The following CASC3 variants were observed in gnomAD, a reference collection of about 807,000 sequenced individuals.
CASC3 encodes the protein CASC3 exon junction complex subunit, also known as protein CASC3.
CASC3 carries 30 observed loss-of-function variants against 80.5 expected under a neutral mutation model. The observed-to-expected ratio is 0.37, with a 90% CI of 0.28 to 0.51. The LOEUF (loss-of-function observed/expected upper bound fraction) is 0.51, where lower values mean the gene tolerates loss of function less well. CASC3 is among the 20% of genes least tolerant of loss of function. The pLI, the probability that CASC3 is intolerant of heterozygous loss-of-function variation, is 0.94. For missense variants in CASC3, 824 were observed against 922.2 expected, an observed-to-expected ratio of 0.89 and a Z score of 1.38; for synonymous variants, 312 against 333.6, an observed-to-expected ratio of 0.94 and a Z score of 0.70.
intron 7 of CASC3, among the ~76,000 whole-genome samples, chr17:40,165,511 C>A (rs1809429201): frequency 6.6e-6 from 1 of 152,092 alleles, no homozygotes; most frequent in South Asian, 2.1e-4. Context: ...ATTGAGCCTC[C>A]TGAGTACAGG....
rs1446185854 is a variant in CASC3, at chr17:40,142,867, C to T, written c.297+1260C>T. 7.2e-5 allele frequency among the ~76,000 whole-genome samples: 11 copies of T among 151,892 alleles called. No homozygotes were observed. The South Asian group carries it at 1.2e-3, about 17-fold the overall frequency. On this transcript the variant is annotated intron_variant, in intron 3 of 13. Transcript: ENST00000264645. ...AGTGAGCTGAGATTGTGCCACTGCA[C>T]TCCAGCCTGGGTGACAGAGCAAGAC...
At chr17:40,169,489 G>A (rs754505147) in intron 12 of CASC3, 43 bp downstream of exon 12, 1 of 1,583,238 alleles carries the variant, frequency 6.3e-7, no homozygotes, top group South Asian at 1.2e-5. Flanking sequence ...TGCTCCGTCA[G>A]TGGGCTTTCC....
intron 3 of CASC3, among the ~76,000 whole-genome samples, chr17:40,158,748 C>A (rs1989215100): frequency 6.6e-6 from 1 of 152,012 alleles, no homozygotes; most frequent in African/African-American, 2.4e-5. Context: ...TTTTTCATTT[C>A]TGAAATGTGA....
chr17:40,158,170 G>C (rs983297908), intron 3 of CASC3, among the ~76,000 whole-genome samples: 1 of 152,210 alleles, frequency 6.6e-6, no homozygotes, highest in African/African-American at 2.4e-5. Context: ...TAATTGGCTT[G>C]TCTGGGCCAA....
chr17:40,160,786 G>T (rs1044010398), intron 3 of CASC3, among the ~76,000 whole-genome samples: 6 of 151,990 alleles, frequency 3.9e-5, no homozygotes, highest in African/African-American at 1.5e-4. Context: ...GGCCAGGCTG[G>T]TCTCGAACTC....
Position 40,167,609 on chromosome 17 carries a change from C to G in CASC3, c.1648C>G (p.Pro550Ala), listed in dbSNP as rs764605670. 1.4e-5 allele frequency: 22 copies of G among 1,608,744 alleles called. No homozygotes were observed. Among genetic ancestry groups the G allele is most frequent in the Non-Finnish European group, 1.8e-5 (21 of 1,175,208 alleles). Residue 550 changes from proline to alanine, a missense_variant, in exon 9 of 14, where the codon CCA becomes GCA. This residue lies in a region of CASC3 where 464 missense variants were observed against 506.0 expected (regional missense o/e 0.92). Coordinates refer to ENST00000264645, the MANE Select transcript of CASC3 (RefSeq NM_007359.5). ...TATCATGGAGGGACATTACTATGATCCACGTGAGTTTTTTCTTACTGTTGG... is the reference window on the plus strand; with the variant it reads ...TATCATGGAGGGACATTACTATGATGCACGTGAGTTTTTTCTTACTGTTGG... ...ISIMEGHYYDPLQFQGPIYTH... is the reference protein window; with the variant it reads ...ISIMEGHYYDALQFQGPIYTH...
chr17:40,163,059 A>C (rs1989345305), intron 6 of CASC3, among the ~76,000 whole-genome samples, 158 bp downstream of exon 6: 1 of 151,828 alleles, frequency 6.6e-6, no homozygotes, highest in Non-Finnish European at 1.5e-5. Flanking sequence ...TGTCTCCAAA[A>C]AAAAAAAGAA....
Position 40,170,465 on chromosome 17 carries a change from T to G in CASC3, c.*60T>G, listed in dbSNP as rs1203299707. On this transcript the variant is annotated 3_prime_UTR_variant, in exon 14 of 14. Transcript: ENST00000264645. ...CTGTCAGAGCAGCAGAGGTGAGAACTCAGAAGAGAAATACAGCTGGCTATC... is the reference window on the plus strand; with the variant it reads ...CTGTCAGAGCAGCAGAGGTGAGAACGCAGAAGAGAAATACAGCTGGCTATC... 3 of 985,432 alleles carry G rather than the reference T, an allele frequency of 3.0e-6. No individual in the cohort carries two copies. The highest frequency in any genetic ancestry group is 1.7e-5 in the African/African-American group (1 of 57,220). The allele number at this position is 985,432 out of a possible 1,614,324, so 61.0% of individuals were successfully genotyped here. A position where few individuals can be genotyped will look rare whatever the true frequency, so the allele number is the denominator to read the frequency against.
At chr17:40,153,548 T>C (rs78415870) in intron 3 of CASC3, among the ~76,000 whole-genome samples, 3,307 of 152,302 alleles carry the variant, frequency 0.022, 130 homozygotes, top group African/African-American at 0.076. Flanking sequence ...GTGGTAACTC[T>C]GTAATCATTT....
intron 3 of CASC3, among the ~76,000 whole-genome samples, chr17:40,145,607 G>C (rs948620983): frequency 2.6e-5 from 4 of 151,968 alleles, no homozygotes; most frequent in Non-Finnish European, 5.9e-5. Flanking sequence ...TGGTGAGCAG[G>C]GGCCACTAAT....
At chr17:40,157,169 C>A (rs575483996) in intron 3 of CASC3, among the ~76,000 whole-genome samples, 6 of 151,310 alleles carry the variant, frequency 4.0e-5, no homozygotes, top group Non-Finnish European at 8.8e-5. Context: ...CATGGTGAAA[C>A]CCCGTCTCTA....
chr17:40,150,671 A>T (rs1988980331), intron 3 of CASC3, among the ~76,000 whole-genome samples: 1 of 152,062 alleles, frequency 6.6e-6, no homozygotes, highest in African/African-American at 2.4e-5. Context: ...AAAATTAGAG[A>T]CGAGACAGTA....
At chr17:40,153,582 TTTC>T (rs1258074813) in intron 3 of CASC3, among the ~76,000 whole-genome samples, 2 of 152,190 alleles carry the variant, frequency 1.3e-5, no homozygotes, top group African/African-American at 4.8e-5. Flanking sequence ...CGCCATACTG[TTTC>T]CAAGGTGCTG....
chr17:40,168,098 C>A, intron 10 of CASC3, 105 bp from the exon 11 acceptor site: 1 of 1,277,778 alleles, frequency 7.8e-7, no homozygotes, highest in Non-Finnish European at 1.1e-6. Flanking sequence ...TGTGTCCATC[C>A]TGAGGACTTC....
intron 3 of CASC3, among the ~76,000 whole-genome samples, chr17:40,145,099 G>A (rs1988823642): frequency 6.6e-6 from 1 of 151,518 alleles, no homozygotes; most frequent in African/African-American, 2.4e-5. Flanking sequence ...GACCTCAGGT[G>A]ACCCACCCAC....
At chr17:40,156,931 T>C (rs1206737594) in intron 3 of CASC3, among the ~76,000 whole-genome samples, 3 of 151,910 alleles carry the variant, frequency 2.0e-5, no homozygotes, top group African/African-American at 7.3e-5. Flanking sequence ...CAGTCCCAGC[T>C]ACTCAGGAGG....
chr17:40,148,956 G>A (rs1257476786), intron 3 of CASC3, among the ~76,000 whole-genome samples: 1 of 152,090 alleles, frequency 6.6e-6, no homozygotes, highest in Non-Finnish European at 1.5e-5. Context: ...GGAGTGCAGT[G>A]GCTTTGCCTT....
In CASC3 at chr17:40,164,038, C is replaced by G. The variant is rs757561107; in HGVS notation, c.1343C>G (p.Thr448Ser). 2.9e-5 allele frequency: 46 copies of G among 1,613,890 alleles called. No individual in the cohort carries two copies. The highest frequency in any genetic ancestry group is 3.7e-5 in the Non-Finnish European group (44 of 1,180,044). The change falls in exon 7 of 14, where the codon ACT (threonine) becomes AGT (serine). Residue 448 changes from threonine to serine, a missense_variant. Thr to Ser is a moderately conservative substitution (Grantham distance 58, BLOSUM62 1). Coordinates refer to ENST00000264645, the MANE Select transcript of CASC3 (RefSeq NM_007359.5). Reference protein sequence around the residue: ...PETTPTPPTKTGTWEAPVDSS... With the variant: ...PETTPTPPTKSGTWEAPVDSS... ...ACCACCCCAACTCCACCTACTAAGA[C>G]TGGGACCTGGGAAGCTCCGGTGGAT... is the stretch of plus-strand genomic sequence containing the variant.
chr17:40,159,466 C>T (rs1989234211), intron 3 of CASC3, among the ~76,000 whole-genome samples: 1 of 151,692 alleles, frequency 6.6e-6, no homozygotes, highest in Non-Finnish European at 1.5e-5. Flanking sequence ...ACCTCTGCCT[C>T]CCAGGTTAAA....
Sources: gnomAD v4.1 joint callset for allele counts (sites outside exome capture counted in the v4.1 genomes callset) on GRCh38, gnomAD v4.1.1 for gene constraint, gnomAD v4.1.1 regional missense constraint, MANE v1.5 for transcripts, NCBI Gene and HGNC (gene_info 2026-07-23, HGNC 2026-07-21) for gene names.